The following CACNA2D3 variants were observed in gnomAD, a reference collection of about 807,000 sequenced individuals.
CACNA2D3 encodes the protein voltage-dependent calcium channel subunit alpha-2/delta-3.
In CACNA2D3, 60 loss-of-function variants were observed where a neutral mutation model predicts 160.6. The observed-to-expected ratio is 0.37, with a 90% CI of 0.30 to 0.46. The LOEUF (loss-of-function observed/expected upper bound fraction) is 0.46, where lower values mean the gene tolerates loss of function less well. Among genes scored for constraint, CACNA2D3 ranks in the 20% least tolerant of loss-of-function variants. The probability of loss-of-function intolerance (pLI) is 1.00; values close to 1 mark genes in which losing one functional copy is unlikely to be tolerated. For synonymous variants in CACNA2D3, 558 were observed against 492.9 expected (o/e 1.13, Z -1.75); for missense variants, 1,205 against 1,365.0 (o/e 0.88, Z 1.85).
At chr3:54,810,538 C>T (rs1405359621) in intron 13 of CACNA2D3, among the ~76,000 whole-genome samples, 1 of 152,178 alleles carries the variant, frequency 6.6e-6, no homozygotes, top group Non-Finnish European at 1.5e-5. Context: ...AGAACCTCAG[C>T]AGCAAGCAGG....
chr3:54,853,310 C>T (rs77916715), intron 17 of CACNA2D3, among the ~76,000 whole-genome samples: 3 of 152,144 alleles, frequency 2.0e-5, no homozygotes, highest in Admixed American at 6.5e-5. Flanking sequence ...CTACACAGAG[C>T]GGGTAGTCAG....
At chr3:54,515,444 T>G (rs1701535283) in intron 5 of CACNA2D3, among the ~76,000 whole-genome samples, 1 of 152,184 alleles carries the variant, frequency 6.6e-6, no homozygotes, top group Non-Finnish European at 1.5e-5. Flanking sequence ...CACAGCTATC[T>G]GATAAAAGGA....
At chr3:54,170,207 A>T (rs1700537677) in intron 2 of CACNA2D3, among the ~76,000 whole-genome samples, 1 of 151,128 alleles carries the variant, frequency 6.6e-6, no homozygotes, top group Admixed American at 6.6e-5. Context: ...AAAAAAAAAA[A>T]AGTGAGGGGG....
chr3:54,311,878 T>C (rs1425231871), intron 2 of CACNA2D3, among the ~76,000 whole-genome samples: 1 of 152,170 alleles, frequency 6.6e-6, no homozygotes, highest in East Asian at 1.9e-4. Flanking sequence ...CATAGTCCCA[T>C]CTTAAATGAT....
intron 12 of CACNA2D3, among the ~76,000 whole-genome samples, chr3:54,763,799 GTA>G (rs1163040681): frequency 4.8e-5 from 1 of 20,670 alleles, no homozygotes; most frequent in Non-Finnish European, 1.0e-4. Flanking sequence ...GTATATATAT[GTA>G]CATATATATA....
At chr3:54,873,997 G>C (rs1699603453) in intron 18 of CACNA2D3, among the ~76,000 whole-genome samples, 1 of 152,170 alleles carries the variant, frequency 6.6e-6, no homozygotes. Context: ...ATCTAGGAAA[G>C]AACATGTAAG....
chr3:55,004,727 C>T, intron 31 of CACNA2D3, 36 bp from the exon 32 acceptor site: 1 of 1,447,630 alleles, frequency 6.9e-7, no homozygotes, highest in Non-Finnish European at 9.7e-7. Flanking sequence ...CGTGTTTTCT[C>T]ATTTAGTGAA....
chr3:54,965,561 A>T (rs1179697203), intron 27 of CACNA2D3, among the ~76,000 whole-genome samples: 2 of 152,164 alleles, frequency 1.3e-5, no homozygotes, highest in Non-Finnish European at 2.9e-5. Flanking sequence ...CCTCAACTGG[A>T]CGTGGAGGGA....
chr3:54,359,458 G>A (rs1698705584), intron 3 of CACNA2D3, among the ~76,000 whole-genome samples: 1 of 152,168 alleles, frequency 6.6e-6, no homozygotes, highest in Admixed American at 6.5e-5. Flanking sequence ...AAGTGAGTGA[G>A]CTGGCAGGCG....
chr3:54,621,138 G>C (rs1294719476), intron 9 of CACNA2D3, among the ~76,000 whole-genome samples: 1 of 152,202 alleles, frequency 6.6e-6, no homozygotes, highest in African/African-American at 2.4e-5. Flanking sequence ...AGGACCACCA[G>C]CTCTCAAGGG....
intron 4 of CACNA2D3, among the ~76,000 whole-genome samples, chr3:54,463,465 G>C (rs1455714617): frequency 6.6e-6 from 1 of 152,100 alleles, no homozygotes; most frequent in Admixed American, 6.5e-5. Flanking sequence ...TGGAGGCTTT[G>C]TTCATTTCTT....
chr3:54,997,116 A>T (rs1702875257), intron 31 of CACNA2D3, among the ~76,000 whole-genome samples: 1 of 152,174 alleles, frequency 6.6e-6, no homozygotes, highest in Non-Finnish European at 1.5e-5. Context: ...GCACATGTAT[A>T]CCTAGGTAAC....
At chr3:54,928,508 C>T (rs891145508) in intron 27 of CACNA2D3, among the ~76,000 whole-genome samples, 5 of 152,146 alleles carry the variant, frequency 3.3e-5, no homozygotes, top group South Asian at 2.1e-4. Context: ...GAGGCTGACA[C>T]GGTTTGCACC....
At chr3:55,073,165 C>G (rs1202726319) in intron 35 of CACNA2D3, among the ~76,000 whole-genome samples, 1 of 152,248 alleles carries the variant, frequency 6.6e-6, no homozygotes, top group South Asian at 2.1e-4. Context: ...GTGATTCAGC[C>G]AACTCTGACT....
chr3:54,924,480 C>G, intron 27 of CACNA2D3: 1 of 679,142 alleles, frequency 1.5e-6, no homozygotes, highest in Non-Finnish European at 2.5e-6. Context: ...TTTGCCATAC[C>G]GTGAAATGGC....
At chr3:54,280,504 AG>A (rs1702852459) in intron 2 of CACNA2D3, among the ~76,000 whole-genome samples, 1 of 151,948 alleles carries the variant, frequency 6.6e-6, no homozygotes, top group African/African-American at 2.4e-5. Flanking sequence ...AATGTAGTGT[AG>A]GGGGGACAGA....
At chr3:54,565,763 C>T (rs1702400175) in intron 6 of CACNA2D3, among the ~76,000 whole-genome samples, 2 of 152,140 alleles carry the variant, frequency 1.3e-5, no homozygotes, top group South Asian at 2.1e-4. Context: ...TCCAAGGGAC[C>T]AGCCTTATCT....
At chr3:54,846,318 G>A (rs1445237441) in intron 16 of CACNA2D3, 75 bp from the exon 17 acceptor site, 1 of 881,682 alleles carries the variant, frequency 1.1e-6, no homozygotes, top group East Asian at 2.6e-5. Context: ...ATTACTAAAT[G>A]CCGGGCTGCT....
chr3:54,760,889 C>T (rs1402922266), intron 12 of CACNA2D3, among the ~76,000 whole-genome samples: 1 of 152,108 alleles, frequency 6.6e-6, no homozygotes, highest in African/African-American at 2.4e-5. Flanking sequence ...TGCATTCGGC[C>T]TGAGAATCCT....
Sources: gnomAD v4.1 joint callset for allele counts (sites outside exome capture counted in the v4.1 genomes callset) on GRCh38, gnomAD v4.1.1 for gene constraint, MANE v1.5 for transcripts, NCBI Gene and HGNC (gene_info 2026-07-23, HGNC 2026-07-21) for gene names.